STXBP5L: variants seen among roughly 807,000 people sequenced by gnomAD.
STXBP5L encodes the protein syntaxin binding protein 5L, also known as syntaxin-binding protein 5-like.
A neutral mutation model predicts 144.5 loss-of-function variants in STXBP5L; 65 were observed. The ratio of observed to expected loss-of-function variants is 0.45; its 90% CI spans 0.37 to 0.55. STXBP5L has a LOEUF of 0.55. STXBP5L is among the 20% of genes least tolerant of loss of function. STXBP5L has a pLI of 0.00. For synonymous variants in STXBP5L, 505 were observed against 469.6 expected, an observed-to-expected ratio of 1.08 and a Z score of -0.97; for missense variants, 1,298 against 1,405.5, an observed-to-expected ratio of 0.92 and a Z score of 1.22.
rs913841518 is a variant in STXBP5L, at chr3:121,361,707, A to AT, written c.2177-16998dup. 4.6e-3 allele frequency among the ~76,000 whole-genome samples: 680 copies of AT among 146,716 alleles called. 5 individuals are homozygous for AT. Among genetic ancestry groups the AT allele is most frequent in the African/African-American group, 0.015 (617 of 40,246 alleles). ...GAATTCCTTCCCTATGTTATCTCGAATTTTTTTTTTTAGTTTCCTCAACAC... is the reference window on the plus strand; with the variant it reads ...GAATTCCTTCCCTATGTTATCTCGAATTTTTTTTTTTTAGTTTCCTCAACAC... On this transcript the variant is annotated intron_variant, in intron 20 of 26. Coordinates refer to ENST00000471454, the MANE Select transcript of STXBP5L (RefSeq NM_001308330.2).
chr3:121,164,177 A>C (rs1487461744), intron 9 of STXBP5L, among the ~76,000 whole-genome samples: 1 of 152,202 alleles, frequency 6.6e-6, no homozygotes, highest in Non-Finnish European at 1.5e-5. Flanking sequence ...TCCATTAAAA[A>C]ATGAGTGAAG....
intron 7 of STXBP5L, among the ~76,000 whole-genome samples, chr3:121,131,325 A>G (rs908693289): frequency 6.6e-6 from 1 of 152,206 alleles, no homozygotes; most frequent in African/African-American, 2.4e-5. Flanking sequence ...ATTAACAGTG[A>G]TACCAATGGA....
intron 10 of STXBP5L, among the ~76,000 whole-genome samples, chr3:121,207,433 A>C (rs1267452536): frequency 6.6e-6 from 1 of 152,230 alleles, no homozygotes. Flanking sequence ...CAAGGACTTC[A>C]TGTCTAAAAC....
rs2047412413 is a variant in STXBP5L at position 121,424,227 on chromosome 3, T to C, written c.*5130T>C. On this transcript the variant is annotated 3_prime_UTR_variant, in exon 27 of 27. Transcript: ENST00000471454. ...AGCAAAAAGGAAGAACAAATCTTCCTTTTTGATTGTTATCTCAATCAAAAG... is the reference window on the plus strand; with the variant it reads ...AGCAAAAAGGAAGAACAAATCTTCCCTTTTGATTGTTATCTCAATCAAAAG... 1 of 152,208 alleles carries C rather than the reference T, an allele frequency of 6.6e-6. No individual in the cohort carries two copies. The highest frequency in any genetic ancestry group is 1.5e-5 in the Non-Finnish European group (1 of 68,040). 9.4% of individuals were successfully genotyped at this position (152,208 alleles called of 1,614,324 possible). A position where few individuals can be genotyped will look rare whatever the true frequency, so the allele number is the denominator to read the frequency against.
intron 18 of STXBP5L, 32 bp downstream of exon 18, chr3:121,259,200 T>A: frequency 6.9e-7 from 1 of 1,447,632 alleles, no homozygotes; most frequent in South Asian, 1.7e-5. Context: ...TGATATGTAT[T>A]ATTTAGCTAA....
rs1269522407 is a variant in STXBP5L, at chr3:120,991,111, A to C, written c.287+36074A>C. 4.3e-3 allele frequency among the ~76,000 whole-genome samples: 651 copies of C among 152,190 alleles called. 5 individuals carry two copies. The highest frequency in any genetic ancestry group is 0.015 in the African/African-American group (621 of 41,502). On this transcript the variant is annotated intron_variant, in intron 3 of 26. Transcript: ENST00000471454. The stretch of plus-strand genomic sequence containing the variant: ...CAAAGGGCTAATATCCAGAATCTAC[A>C]ATGAACTCAAACAAATTTACAAGAA...
At chr3:121,056,340 A>G (rs192746915) in intron 5 of STXBP5L, among the ~76,000 whole-genome samples, 1 of 152,152 alleles carries the variant, frequency 6.6e-6, no homozygotes, top group East Asian at 1.9e-4. Flanking sequence ...TGAAATTCAA[A>G]TGTAGGCTAC....
At chr3:121,059,681 G>A (rs894073739) in intron 5 of STXBP5L, among the ~76,000 whole-genome samples, 5 of 152,082 alleles carry the variant, frequency 3.3e-5, no homozygotes, top group African/African-American at 1.2e-4. Flanking sequence ...TCCTCGAAGA[G>A]GTCCTTCACA....
chr3:121,350,051 C>T (rs901561638), intron 20 of STXBP5L, among the ~76,000 whole-genome samples: 1 of 152,096 alleles, frequency 6.6e-6, no homozygotes, highest in Admixed American at 6.6e-5. Context: ...TTCTCCCTAG[C>T]CTCAATGGTC....
chr3:120,970,439 G>T (rs1940112324), intron 3 of STXBP5L, among the ~76,000 whole-genome samples: 1 of 152,066 alleles, frequency 6.6e-6, no homozygotes, highest in South Asian at 2.1e-4. Flanking sequence ...TGATACTTTT[G>T]CTGGGTACAG....
intron 10 of STXBP5L, among the ~76,000 whole-genome samples, chr3:121,207,417 C>G (rs903821653): frequency 6.6e-6 from 1 of 152,096 alleles, no homozygotes. Context: ...AGGACATAGA[C>G]GTGGGCAAGG....
chr3:121,070,119 A>G (rs2041739055), intron 5 of STXBP5L, among the ~76,000 whole-genome samples: 1 of 152,224 alleles, frequency 6.6e-6, no homozygotes, highest in Non-Finnish European at 1.5e-5. Context: ...TAAGGTGATC[A>G]CCGGCTCAGC....
chr3:121,188,771 A>G (rs1031048286), intron 9 of STXBP5L, among the ~76,000 whole-genome samples: 2 of 152,256 alleles, frequency 1.3e-5, no homozygotes, highest in African/African-American at 4.8e-5. Flanking sequence ...CTTCATGCTG[A>G]AAACTCTCAA....
At chr3:121,018,984 G>A (rs1433637380) in intron 3 of STXBP5L, among the ~76,000 whole-genome samples, 2 of 152,178 alleles carry the variant, frequency 1.3e-5, no homozygotes, top group Non-Finnish European at 2.9e-5. Context: ...CAGATTCTCA[G>A]CCCTGCTCAC....
chr3:121,041,836 T>G, intron 4 of STXBP5L, 55 bp downstream of exon 4: 1 of 1,134,120 alleles, frequency 8.8e-7, no homozygotes, highest in Admixed American at 1.7e-5. Flanking sequence ...ACACAGTGAA[T>G]CAGTTAATGT....
chr3:120,985,462 A>G (rs1346614804), intron 3 of STXBP5L, among the ~76,000 whole-genome samples: 1 of 152,080 alleles, frequency 6.6e-6, no homozygotes, highest in Non-Finnish European at 1.5e-5. Flanking sequence ...GCAATTTTCA[A>G]GTATACAGTA....
chr3:121,279,976 G>T lies in STXBP5L; in HGVS notation c.2110+20G>T, dbSNP rs1233468790. 2 of 1,608,114 alleles carry T rather than the reference G, an allele frequency of 1.2e-6. No individual in the cohort carries two copies. Among genetic ancestry groups the T allele is most frequent in the Non-Finnish European group, 1.7e-6 (2 of 1,177,432 alleles). On this transcript the variant is annotated intron_variant, in intron 19 of 26. Transcript: ENST00000471454. The stretch of plus-strand genomic sequence containing the variant: ...TTGCAGGTAGGAGATAAAACAAGAT[G>T]AGTTATGAACTTGATTTGGTCATCT...
intron 9 of STXBP5L, among the ~76,000 whole-genome samples, chr3:121,183,022 A>G (rs1334138536): frequency 6.6e-6 from 1 of 152,238 alleles, no homozygotes; most frequent in Non-Finnish European, 1.5e-5. Context: ...GGGTGAATAC[A>G]TGTGATACAT....
intron 3 of STXBP5L, among the ~76,000 whole-genome samples, chr3:121,020,463 G>T (rs759607963): frequency 6.6e-6 from 1 of 152,064 alleles, no homozygotes; most frequent in South Asian, 2.1e-4. Flanking sequence ...CATAGTTATC[G>T]GTTATCTAAA....
Sources: allele counts gnomAD v4.1 joint callset (sites outside exome capture counted in the v4.1 genomes callset), GRCh38; gene constraint gnomAD v4.1.1; transcripts MANE v1.5; gene names NCBI Gene and HGNC (gene_info 2026-07-23, HGNC 2026-07-21).